ACTN4: variants seen among roughly 807,000 people sequenced by gnomAD.
The protein encoded by ACTN4 is actinin alpha 4, also known as alpha-actinin-4.
A neutral mutation model predicts 114.2 loss-of-function variants in ACTN4; 18 were observed. That is an observed-to-expected ratio of 0.16 (90% confidence interval 0.11 to 0.23). The LOEUF is 0.23. Ranked by LOEUF, ACTN4 falls within the 10% of genes least tolerant of loss-of-function variation. ACTN4 has a pLI of 1.00. For synonymous variants in ACTN4, 515 were observed against 506.3 expected (o/e 1.02, Z -0.23); for missense variants, 722 against 1,262.9 (o/e 0.57, Z 6.49).
rs140707871 is a variant in ACTN4 at position 38,724,234 on chromosome 19, C to T, written c.1770C>T (p.Ile590=). ...ADREREAILA[I]HKEAQRIAES... Reference sequence around the variant, plus strand: ...GGGAGCGCGAGGCCATCCTGGCCATCCACAAGGAGGCCCAGAGGATCGCTG... The same window carrying T: ...GGGAGCGCGAGGCCATCCTGGCCATTCACAAGGAGGCCCAGAGGATCGCTG... The change falls in exon 15 of 21, where the codon ATC becomes ATT. Residue 590 remains isoleucine, a synonymous_variant. Transcript: ENST00000252699. The surrounding 1 kb of genome is among the most constrained non-coding windows in gnomAD (Gnocchi z 7.0). 4.2e-4 allele frequency: 670 copies of T among 1,613,998 alleles called. 4 individuals are homozygous for T. In the African/African-American group the frequency reaches 8.1e-3, roughly 20 times the overall value.
intron 1 of ACTN4, among the ~76,000 whole-genome samples, chr19:38,668,476 G>A (rs1420177704): frequency 1.3e-5 from 2 of 152,058 alleles, no homozygotes; most frequent in Non-Finnish European, 2.9e-5. Context: ...TCACGAGGTC[G>A]GGAGTTTGAG....
At chr19:38,711,918 C>T (rs1214379257) in intron 8 of ACTN4, among the ~76,000 whole-genome samples, 1 of 152,262 alleles carries the variant, frequency 6.6e-6, no homozygotes, top group Non-Finnish European at 1.5e-5. Flanking sequence ...TGACCTCATG[C>T]TGCCTCACAG....
At chr19:38,652,093 G>A (rs1976580153) in intron 1 of ACTN4, among the ~76,000 whole-genome samples, 1 of 151,990 alleles carries the variant, frequency 6.6e-6, no homozygotes, top group African/African-American at 2.4e-5. Flanking sequence ...AGGCCCCAAA[G>A]TAGCCATCTG....
chr19:38,703,675 G>T (rs1463335127), intron 3 of ACTN4, among the ~76,000 whole-genome samples: 1 of 152,190 alleles, frequency 6.6e-6, no homozygotes, highest in African/African-American at 2.4e-5. Context: ...GTGGTGGTCA[G>T]AGCAGCCCCG....
chr19:38,652,031 G>C (rs530008877), intron 1 of ACTN4, among the ~76,000 whole-genome samples: 88 of 152,252 alleles, frequency 5.8e-4, no homozygotes, highest in African/African-American at 1.9e-3. Context: ...ACTGTGCCCT[G>C]CCTTGTTTTT....
intron 1 of ACTN4, among the ~76,000 whole-genome samples, chr19:38,681,129 GAAAAAAAAAAAAA>G (rs35906770): frequency 3.0e-4 from 21 of 69,290 alleles, no homozygotes; most frequent in African/African-American, 1.1e-3. Context: ...CCAATCTCTA[GAAAAAAAAAAAAA>G]AAAAAAAAAA....
chr19:38,649,323 A>C (rs1290163714), intron 1 of ACTN4, among the ~76,000 whole-genome samples: 1 of 124,702 alleles, frequency 8.0e-6, no homozygotes, highest in Non-Finnish European at 1.6e-5. Context: ...GAGTGTGTGC[A>C]GGAAGAGCTA....
At chr19:38,708,013 C>G (rs771924911) in intron 5 of ACTN4, 104 bp from the exon 6 acceptor site, 1 of 1,193,250 alleles carries the variant, frequency 8.4e-7, no homozygotes, top group Admixed American at 1.7e-5. Flanking sequence ...ACAGGCCAGA[C>G]TGCAGTGAAT....
intron 1 of ACTN4, among the ~76,000 whole-genome samples, chr19:38,687,799 CTT>C (rs979335330): frequency 6.6e-6 from 1 of 152,176 alleles, no homozygotes; most frequent in Admixed American, 6.5e-5. Context: ...AAACTGGAAA[CTT>C]TTTGCTTCAA....
In ACTN4 at chr19:38,727,768, G is replaced by A; in HGVS notation, c.2338-178G>A. On this transcript the variant is annotated intron_variant, in intron 18 of 20. Coordinates refer to ENST00000252699, the MANE Select transcript of ACTN4 (RefSeq NM_004924.6). The surrounding 1 kb of genome is among the most constrained non-coding windows in gnomAD (Gnocchi z 5.4). Reference sequence around the variant, plus strand: ...CGAGGTTGGGGAAAGGATGAAAGGGGCCCGTGCCGCCCCCGACCCCACGTG... The same window carrying A: ...CGAGGTTGGGGAAAGGATGAAAGGGACCCGTGCCGCCCCCGACCCCACGTG... 6.3e-6 allele frequency: 4 copies of A among 634,810 alleles called. No individual in the cohort carries two copies. The highest frequency in any genetic ancestry group is 5.5e-5 in the South Asian group (3 of 54,084). 39.3% of individuals were successfully genotyped at this position (634,810 alleles called of 1,614,324 possible). A position where few individuals can be genotyped will look rare whatever the true frequency, so the allele number is the denominator to read the frequency against.
Position 38,647,865 on chromosome 19 carries a change from G to T in ACTN4, c.120G>T (p.Arg40=). The stretch of plus-strand genomic sequence containing the variant: ...TGGCCCAGGAGGACGACTGGGACCG[G>T]GACCTGCTGCTGGACCCGGCCTGGG... ...DYMAQEDDWD[R]DLLLDPAWEK... Residue 40 remains arginine (R), a synonymous_variant, in exon 1 of 21, where the codon CGG becomes CGT. Transcript: ENST00000252699. The T allele has an allele frequency of 6.5e-7, 1 of 1,538,060 alleles. No individual in the cohort carries two copies. Among genetic ancestry groups the T allele is most frequent in the Non-Finnish European group, 8.8e-7 (1 of 1,142,344 alleles).
chr19:38,668,420 G>T (rs2144873130), intron 1 of ACTN4, among the ~76,000 whole-genome samples: 1 of 152,346 alleles, frequency 6.6e-6, no homozygotes, highest in East Asian at 1.9e-4. Flanking sequence ...AGGCGCAGTG[G>T]CTCACTCCTG....
Position 38,688,778 on chromosome 19 carries a change from A to G in ACTN4, c.163-11822A>G, listed in dbSNP as rs560130919. ...AATGAGATACCACTGCACACCCACC[A>G]TGATGGCTATAATCAGAAAGTCAGA... On this transcript the variant is annotated intron_variant, in intron 1 of 20. Transcript: ENST00000252699. 8.5e-5 allele frequency among the ~76,000 whole-genome samples: 13 copies of G among 152,296 alleles called. No individual in the cohort carries two copies. The South Asian group carries it at 2.1e-3, about 24-fold the overall frequency.
intron 11 of ACTN4, among the ~76,000 whole-genome samples, chr19:38,719,233 A>G (rs1288257920): frequency 6.6e-6 from 1 of 152,180 alleles, no homozygotes; most frequent in Non-Finnish European, 1.5e-5. Context: ...AGCCACTCAC[A>G]GGACTCCTCT....
rs774156885 is a variant in ACTN4, at chr19:38,700,608, G to A, written c.171G>A (p.Thr57=). The A allele has an allele frequency of 5.6e-6, 9 of 1,613,762 alleles. No homozygotes were observed. Among genetic ancestry groups the A allele is most frequent in the African/African-American group, 4.0e-5 (3 of 74,912 alleles). ...AWEKQQRKTF[T]AWCNSHLRKA... ...TTGTTCTGCTTCCCCAGACCTTCACGGCATGGTGCAACTCCCACCTGCGGA... is the reference window on the plus strand; with the variant it reads ...TTGTTCTGCTTCCCCAGACCTTCACAGCATGGTGCAACTCCCACCTGCGGA... Residue 57 remains threonine (T), a synonymous_variant, in exon 2 of 21, where the codon ACG becomes ACA. Coordinates refer to ENST00000252699, the MANE Select transcript of ACTN4 (RefSeq NM_004924.6).
chr19:38,648,411 G>A (rs913513632), intron 1 of ACTN4, among the ~76,000 whole-genome samples: 2 of 151,990 alleles, frequency 1.3e-5, no homozygotes, highest in Admixed American at 1.3e-4. Context: ...AATTGGGGGA[G>A]CCTCAGGTTG....
intron 19 of ACTN4, 120 bp downstream of exon 19, chr19:38,728,146 T>C: frequency 3.0e-6 from 4 of 1,353,684 alleles, no homozygotes; most frequent in Admixed American, 2.0e-5. Context: ...CATGGCTCTC[T>C]TGCCTCCCTG....
In ACTN4 at chr19:38,724,233, T is replaced by A. The variant is rs964691290; in HGVS notation, c.1769T>A (p.Ile590Asn). The A allele has an allele frequency of 2.5e-6, 4 of 1,613,828 alleles. No homozygotes were observed. The African/African-American group carries it at 4.0e-5, about 16-fold the overall frequency. Residue 590 changes from isoleucine to asparagine, a missense_variant, in exon 15 of 21, where the codon ATC becomes AAC. Around this residue, in one of 3 missense-constraint regions of ACTN4, gnomAD observed 523 missense variants for 875.9 expected, o/e 0.60. Coordinates refer to ENST00000252699, the MANE Select transcript of ACTN4 (RefSeq NM_004924.6). This position sits in a 1 kb window ranked among gnomAD's most constrained non-coding sequence, Gnocchi z 7.0. ...ADREREAILA[I>N]HKEAQRIAES... ...AGGGAGCGCGAGGCCATCCTGGCCATCCACAAGGAGGCCCAGAGGATCGCT... is the reference window on the plus strand; with the variant it reads ...AGGGAGCGCGAGGCCATCCTGGCCAACCACAAGGAGGCCCAGAGGATCGCT...
At chr19:38,713,358 C>T (rs546585034) in intron 8 of ACTN4, among the ~76,000 whole-genome samples, 1 of 152,236 alleles carries the variant, frequency 6.6e-6, no homozygotes, top group African/African-American at 2.4e-5. Context: ...ACTTGAGTTT[C>T]GGGTGCCAGT....
Sources: gnomAD v4.1 joint callset for allele counts (sites outside exome capture counted in the v4.1 genomes callset) on GRCh38, gnomAD v4.1.1 for gene constraint, gnomAD v4.1.1 regional missense constraint, Gnocchi (gnomAD v3.1) non-coding constraint, MANE v1.5 for transcripts, NCBI Gene and HGNC (gene_info 2026-07-23, HGNC 2026-07-21) for gene names.